The following SBF2 variants were observed in gnomAD, a reference collection of about 807,000 sequenced individuals.
The protein encoded by SBF2 is myotubularin-related protein 13.
Under a neutral mutation model 225.2 loss-of-function variants are expected in SBF2, and 112 were observed. That is an observed-to-expected ratio of 0.50 (90% CI 0.43 to 0.58). The LOEUF (loss-of-function observed/expected upper bound fraction) is 0.58, where lower values mean the gene tolerates loss of function less well. Ranked by LOEUF, SBF2 falls within the 20% of genes least tolerant of loss-of-function variation. SBF2 has a pLI of 0.00. For synonymous variants in SBF2, 763 were observed against 773.3 expected (o/e 0.99, Z 0.22); for missense variants, 1,996 against 2,206.2 (o/e 0.90, Z 1.91).
intron 21 of SBF2, 66 bp downstream of exon 21, chr11:9,852,610 A>G: frequency 8.8e-7 from 1 of 1,140,528 alleles, no homozygotes; most frequent in Non-Finnish European, 1.3e-6. Flanking sequence ...TTCCTGGCAC[A>G]CAGCAGTCTA....
At chr11:9,938,106 A>C (rs1865012284) in intron 16 of SBF2, among the ~76,000 whole-genome samples, 1 of 152,046 alleles carries the variant, frequency 6.6e-6, no homozygotes, top group Non-Finnish European at 1.5e-5. Context: ...CCTGGTTAAC[A>C]CAGTGAAACC....
At position 9,845,112 on chromosome 11, in the gene SBF2, T is replaced by C. The variant is rs763856633; in HGVS notation, c.3110+453A>G. Among the ~76,000 whole-genome samples the C allele has an allele frequency of 5.5e-4, 84 of 152,210 alleles. 1 individual carries two copies. The highest frequency in any genetic ancestry group is 1.1e-3 in the Non-Finnish European group (73 of 67,992). On this transcript the variant is annotated intron_variant, in intron 24 of 39. Coordinates refer to ENST00000256190, the MANE Select transcript of SBF2 (RefSeq NM_030962.4). The stretch of plus-strand genomic sequence containing the variant: ...ACTACTGGTGAATCTGGGTAAAATA[T>C]ATACAGAAATTCTTTGTTCTACTGT...
chr11:10,034,254 A>G (rs1264138485), intron 3 of SBF2, among the ~76,000 whole-genome samples: 1 of 152,324 alleles, frequency 6.6e-6, no homozygotes, highest in East Asian at 1.9e-4. Context: ...TATGGATTAC[A>G]TCTGCTAGTG....
chr11:9,852,645 T>A (rs767847913), intron 21 of SBF2, 31 bp downstream of exon 21: 5 of 1,517,528 alleles, frequency 3.3e-6, no homozygotes, highest in Non-Finnish European at 4.6e-6. Context: ...GAAGAGAGGC[T>A]ATACCCTGAA....
At position 9,809,825 on chromosome 11, in the gene SBF2, C is replaced by T. The variant is rs969952482; in HGVS notation, c.4156-823G>A. On this transcript the variant is annotated intron_variant, in intron 30 of 39. Coordinates refer to ENST00000256190, the MANE Select transcript of SBF2 (RefSeq NM_030962.4). ...CCTCCCAAAGTGCTAGCATTACAGG[C>T]GTGAACCACCACGCCTGGCCTATTT... Among the ~76,000 whole-genome samples the T allele has an allele frequency of 2.2e-4, 34 of 152,144 alleles. No homozygotes were observed. The East Asian group carries it at 4.8e-3, about 22-fold the overall frequency.
intron 16 of SBF2, among the ~76,000 whole-genome samples, chr11:9,907,493 C>G (rs1226308491): frequency 1.3e-5 from 2 of 151,878 alleles, no homozygotes; most frequent in Non-Finnish European, 2.9e-5. Context: ...CAATGTTAAG[C>G]AAAAAATAGG....
intron 28 of SBF2, among the ~76,000 whole-genome samples, chr11:9,827,774 C>T (rs953030338): frequency 6.6e-6 from 1 of 152,212 alleles, no homozygotes; most frequent in Non-Finnish European, 1.5e-5. Flanking sequence ...TCTGGAATCA[C>T]TTCTCCTTAA....
intron 2 of SBF2, among the ~76,000 whole-genome samples, chr11:10,069,759 A>C (rs1950790173): frequency 6.6e-6 from 1 of 152,176 alleles, no homozygotes; most frequent in Non-Finnish European, 1.5e-5. Flanking sequence ...TGGCTGAACT[A>C]ATTTATACTC....
intron 31 of SBF2, 163 bp from the exon 32 acceptor site, chr11:9,808,348 A>C (rs1853969703): frequency 1.5e-6 from 1 of 664,554 alleles, no homozygotes. Flanking sequence ...TAATTTTGTA[A>C]ACTTGCCAGT....
intron 28 of SBF2, among the ~76,000 whole-genome samples, chr11:9,823,343 T>C (rs1854880636): frequency 6.6e-6 from 1 of 152,034 alleles, no homozygotes; most frequent in Non-Finnish European, 1.5e-5. Context: ...GAGGTGAAGG[T>C]CAATTTTAAC....
chr11:9,917,235 A>G (rs1376653915), intron 16 of SBF2, among the ~76,000 whole-genome samples: 1 of 151,770 alleles, frequency 6.6e-6, no homozygotes, highest in Non-Finnish European at 1.5e-5. Context: ...ATTTATTTAT[A>G]TAATTTATCT....
intron 13 of SBF2, among the ~76,000 whole-genome samples, chr11:9,970,421 G>A (rs560644066): frequency 5.3e-5 from 8 of 152,108 alleles, no homozygotes; most frequent in Non-Finnish European, 7.4e-5. Context: ...TAGCCAGGAC[G>A]GTCTTGATTT....
At chr11:10,051,864 T>C (rs1239497706) in intron 2 of SBF2, among the ~76,000 whole-genome samples, 1 of 152,136 alleles carries the variant, frequency 6.6e-6, no homozygotes, top group Admixed American at 6.5e-5. Flanking sequence ...GAATACAAAC[T>C]CACAATTTAA....
intron 17 of SBF2, among the ~76,000 whole-genome samples, chr11:9,871,126 C>T (rs1292020870): frequency 6.6e-6 from 1 of 151,926 alleles, no homozygotes; most frequent in African/African-American, 2.4e-5. Context: ...GCAATTGCAA[C>T]AAAAGCAAAA....
chr11:9,780,370 T>A lies in SBF2; in HGVS notation c.*48A>T. On this transcript the variant is annotated 3_prime_UTR_variant, in exon 40 of 40. Coordinates refer to ENST00000256190, the MANE Select transcript of SBF2 (RefSeq NM_030962.4). ...ATCCATGCTTCTTTTTCTATCTATC[T>A]GGCAGCATGAGTTCTTCTGTTTCTT... is the stretch of plus-strand genomic sequence containing the variant. 6.8e-7 allele frequency: 1 copy of A among 1,480,900 alleles called. No homozygotes were observed. Among genetic ancestry groups the A allele is most frequent in the Non-Finnish European group, 9.4e-7 (1 of 1,061,452 alleles). 91.7% of individuals were successfully genotyped at this position (1,480,900 alleles called of 1,614,324 possible). A position where few individuals can be genotyped will look rare whatever the true frequency, so the allele number is the denominator to read the frequency against.
chr11:9,874,636 T>A (rs886747208), intron 17 of SBF2, among the ~76,000 whole-genome samples: 1 of 152,212 alleles, frequency 6.6e-6, no homozygotes, highest in Non-Finnish European at 1.5e-5. Flanking sequence ...AAGGGTTTTA[T>A]TTTGATGCTG....
rs1852285348 is a variant in SBF2 at position 9,785,122 on chromosome 11, C to T, written c.5231+3G>A. The T allele has an allele frequency of 6.2e-7, 1 of 1,612,330 alleles. No homozygotes were observed. The highest frequency in any genetic ancestry group is 1.1e-5 in the South Asian group (1 of 90,988). On this transcript the variant is annotated splice_donor_region_variant and intron_variant, in intron 37 of 39. Transcript: ENST00000256190. ...GCACAGCGAGCAGGGTTCAGCATGT[C>T]ACCTGTTTTCATCATTCTTGGATGT...
chr11:10,226,578 T>A (rs1432419062), intron 1 of SBF2, among the ~76,000 whole-genome samples: 2 of 151,168 alleles, frequency 1.3e-5, no homozygotes. Flanking sequence ...GAACATGAGG[T>A]GTTTGGTTTT....
At chr11:9,967,692 G>A (rs1332342301) in intron 14 of SBF2, among the ~76,000 whole-genome samples, 4 of 152,138 alleles carry the variant, frequency 2.6e-5, no homozygotes, top group Non-Finnish European at 5.9e-5. Context: ...AAGGTGGGCG[G>A]ATCACCTGAG....
Sources: gnomAD v4.1 joint callset for allele counts (sites outside exome capture counted in the v4.1 genomes callset) on GRCh38, gnomAD v4.1.1 for gene constraint, MANE v1.5 for transcripts, NCBI Gene and HGNC (gene_info 2026-07-23, HGNC 2026-07-21) for gene names.